The following WWOX variants were observed in gnomAD, a reference collection of about 807,000 sequenced individuals.
WWOX encodes WW domain-containing oxidoreductase.
WWOX carries 69 observed loss-of-function variants against 46.2 expected under a neutral mutation model. The observed-to-expected ratio is 1.49, with a 90% CI of 1.23 to 1.82. WWOX has a LOEUF of 1.82. Among genes scored for constraint, WWOX ranks in the 40% most tolerant of loss-of-function variants. The pLI, the probability that WWOX is intolerant of heterozygous loss-of-function variation, is 0.00. For synonymous variants in WWOX, 359 were observed against 202.6 expected (o/e 1.77, Z -6.56); for missense variants, 919 against 542.6 (o/e 1.69, Z -6.89).
At chr16:78,461,532 C>A (rs936933679) in intron 8 of WWOX, among the ~76,000 whole-genome samples, 1 of 152,184 alleles carries the variant, frequency 6.6e-6, no homozygotes, top group South Asian at 2.1e-4. Context: ...CAAACAGATC[C>A]TTTCGCAAGG....
At chr16:78,634,831 A>T (rs1190345213) in intron 8 of WWOX, among the ~76,000 whole-genome samples, 8 of 111,352 alleles carry the variant, frequency 7.2e-5, no homozygotes, top group African/African-American at 3.0e-4. Flanking sequence ...AGAGAGAGAG[A>T]GAGAGAGTGT....
At chr16:78,236,002 G>T (rs1477910886) in intron 5 of WWOX, among the ~76,000 whole-genome samples, 3 of 152,246 alleles carry the variant, frequency 2.0e-5, no homozygotes, top group Admixed American at 1.3e-4. Context: ...CAACTCTCCT[G>T]TTACAGCAGG....
At chr16:78,699,467 A>C (rs542902405) in intron 8 of WWOX, among the ~76,000 whole-genome samples, 2 of 152,274 alleles carry the variant, frequency 1.3e-5, no homozygotes, top group South Asian at 4.2e-4. Context: ...TGAGCCCAGG[A>C]GGCAGAGGTT....
intron 8 of WWOX, among the ~76,000 whole-genome samples, chr16:79,049,199 C>A (rs573609175): frequency 6.6e-6 from 1 of 152,330 alleles, no homozygotes; most frequent in East Asian, 1.9e-4. Flanking sequence ...TCAAAAGCAG[C>A]CATGGCTGTT....
intron 8 of WWOX, among the ~76,000 whole-genome samples, chr16:78,546,729 C>A (rs984484143): frequency 1.2e-4 from 18 of 152,124 alleles, no homozygotes; most frequent in African/African-American, 2.4e-5. Context: ...TACTGATTGT[C>A]CATGAACCAC....
At position 78,444,146 on chromosome 16, in the gene WWOX, C is replaced by G. The variant is rs774206634; in HGVS notation, c.1056+11394C>G. The stretch of plus-strand genomic sequence containing the variant: ...CTTTTTACACCAAGATAAAGAAATA[C>G]TTTGCAAATCAGCTGAGCACATGTT... On this transcript the variant is annotated intron_variant, in intron 8 of 8. Coordinates refer to ENST00000566780, the MANE Select transcript of WWOX (RefSeq NM_016373.4). Among the ~76,000 whole-genome samples the G allele has an allele frequency of 2.0e-5, 3 of 152,198 alleles. No individual in the cohort carries two copies. The East Asian group carries it at 5.8e-4, about 29-fold the overall frequency.
chr16:79,100,268 G>T (rs187440838), intron 8 of WWOX, among the ~76,000 whole-genome samples: 64 of 152,156 alleles, frequency 4.2e-4, no homozygotes, highest in Non-Finnish European at 8.4e-4. Flanking sequence ...ATAAGATCAA[G>T]ATTAGAATGT....
At chr16:78,968,049 C>T (rs993262547) in intron 8 of WWOX, among the ~76,000 whole-genome samples, 1 of 151,996 alleles carries the variant, frequency 6.6e-6, no homozygotes, top group African/African-American at 2.4e-5. Flanking sequence ...AGTGCATGGT[C>T]TGCATGGCAC....
At chr16:78,526,457 C>T (rs574566535) in intron 8 of WWOX, 1 of 152,192 alleles carries the variant, frequency 6.6e-6, no homozygotes. Context: ...GTGAGGCTGT[C>T]TATGTAATAG....
At chr16:78,489,155 G>A (rs2151458843) in intron 8 of WWOX, among the ~76,000 whole-genome samples, 2 of 152,302 alleles carry the variant, frequency 1.3e-5, no homozygotes, top group East Asian at 3.9e-4. Context: ...TTTTATAGGA[G>A]TCATTAATCT....
At chr16:78,289,489 C>T (rs750849719) in intron 5 of WWOX, among the ~76,000 whole-genome samples, 8 of 152,144 alleles carry the variant, frequency 5.3e-5, no homozygotes, top group Non-Finnish European at 8.8e-5. Flanking sequence ...AGCAACTCTA[C>T]AGTGACTTGG....
At chr16:78,819,118 T>C (rs1178878455) in intron 8 of WWOX, among the ~76,000 whole-genome samples, 1 of 152,224 alleles carries the variant, frequency 6.6e-6, no homozygotes, top group Non-Finnish European at 1.5e-5. Context: ...TTCACTCTTC[T>C]GCACTCTTTC....
At chr16:78,885,163 G>C (rs1231330338) in intron 8 of WWOX, among the ~76,000 whole-genome samples, 1 of 151,016 alleles carries the variant, frequency 6.6e-6, no homozygotes, top group African/African-American at 2.4e-5. Context: ...GCTCCCTCAT[G>C]GTTGCGGGGG....
intron 5 of WWOX, among the ~76,000 whole-genome samples, chr16:78,334,035 C>G (rs971630505): frequency 6.6e-6 from 1 of 152,146 alleles, no homozygotes; most frequent in African/African-American, 2.4e-5. Flanking sequence ...TAAATCCCCT[C>G]GTCCTCCAGA....
chr16:79,146,682 T>C (rs2050188216), intron 8 of WWOX, among the ~76,000 whole-genome samples: 1 of 152,158 alleles, frequency 6.6e-6, no homozygotes, highest in Admixed American at 6.6e-5. Context: ...AAGTGCTTAC[T>C]AAGCATCTGG....
At chr16:79,137,971 T>A (rs538416069) in intron 8 of WWOX, among the ~76,000 whole-genome samples, 18 of 152,200 alleles carry the variant, frequency 1.2e-4, no homozygotes, top group Non-Finnish European at 2.5e-4. Flanking sequence ...TAAAAATAAT[T>A]CTAGATGAAG....
intron 8 of WWOX, chr16:78,825,310 G>A (rs987192631): frequency 3.3e-6 from 1 of 303,702 alleles, no homozygotes. Flanking sequence ...AGAAGAGGAT[G>A]TTGGTCGCTG....
chr16:78,139,034 C>CTAGACCGTATCTAGACCGTATCT (rs1293432836), intron 4 of WWOX, among the ~76,000 whole-genome samples: 1 of 152,190 alleles, frequency 6.6e-6, no homozygotes, highest in Non-Finnish European at 1.5e-5. Flanking sequence ...TCCCACCAAT[C>CTAGACCGTATCTAGACCGTATCT]AGACCGTATC....
In WWOX at chr16:78,632,454, G is replaced by T. The variant is rs1350343952; in HGVS notation, c.1056+199702G>T. ...CGCAGATGTTATTTTTTTGAAGAGG[G>T]TGTAGGCCAAGAAAGGGGTGGGAGA... On this transcript the variant is annotated intron_variant, in intron 8 of 8. Transcript: ENST00000566780. Among the ~76,000 whole-genome samples the T allele has an allele frequency of 2.6e-5, 4 of 151,880 alleles. No homozygotes were observed. The South Asian group carries it at 8.3e-4, about 32-fold the overall frequency.
Sources: allele counts gnomAD v4.1 joint callset (sites outside exome capture counted in the v4.1 genomes callset), GRCh38; gene constraint gnomAD v4.1.1; transcripts MANE v1.5; gene names NCBI Gene and HGNC (gene_info 2026-07-23, HGNC 2026-07-21).